RHBDD1: variants seen among roughly 807,000 people sequenced by gnomAD.
The protein encoded by RHBDD1 is rhomboid domain containing 1, also known as rhomboid-related protein 4.
In RHBDD1, 38 loss-of-function variants were observed where a neutral mutation model predicts 36.3. That is an observed-to-expected ratio of 1.05 (90% CI 0.81 to 1.37). The LOEUF (loss-of-function observed/expected upper bound fraction) is 1.37, where lower values mean the gene tolerates loss of function less well. Among genes scored for constraint, RHBDD1 ranks in the 40% most tolerant of loss-of-function variants. The probability of loss-of-function intolerance (pLI) is 0.00; values close to 1 mark genes in which losing one functional copy is unlikely to be tolerated. For synonymous variants in RHBDD1, 151 were observed against 136.5 expected (o/e 1.11, Z -0.74); for missense variants, 393 against 377.6 (o/e 1.04, Z -0.34).
At chr2:226,898,342 G>C (rs1947303837) in intron 5 of RHBDD1, among the ~76,000 whole-genome samples, 1 of 152,196 alleles carries the variant, frequency 6.6e-6, no homozygotes, top group South Asian at 2.1e-4. Context: ...TTCTGCTATT[G>C]CAATACCCTT....
intron 3 of RHBDD1, among the ~76,000 whole-genome samples, chr2:226,849,588 C>A (rs888525742): frequency 3.9e-5 from 6 of 152,256 alleles, no homozygotes; most frequent in African/African-American, 1.4e-4. Context: ...CCCTGCATTT[C>A]TTTGATGAAG....
chr2:226,918,174 T>G (rs978867517), intron 8 of RHBDD1, among the ~76,000 whole-genome samples: 1 of 151,860 alleles, frequency 6.6e-6, no homozygotes, highest in Non-Finnish European at 1.5e-5. Flanking sequence ...ACTACATTTA[T>G]TTTTTTTAAT....
the RHBDD1 span, chr2:226,804,852 A>G: frequency 6.6e-6 from 1 of 152,154 alleles, no homozygotes; most frequent in Non-Finnish European, 1.5e-5. Flanking sequence ...CATAACTGAT[A>G]TTTGTCTAAA....
intron 8 of RHBDD1, among the ~76,000 whole-genome samples, chr2:226,948,130 C>A (rs1010740681): frequency 5.1e-4 from 77 of 150,886 alleles, no homozygotes; most frequent in Admixed American, 1.3e-4. Flanking sequence ...ATGTTTATTG[C>A]GGCATTATTC....
In RHBDD1 at chr2:226,870,982, G is replaced by A. The variant is rs576883457; in HGVS notation, c.566+3664G>A. ...ATAGTTCAAACCCATGTTGTTCAAGGATCCACTGTATTTGGTAAAATATGA... is the reference window on the plus strand; with the variant it reads ...ATAGTTCAAACCCATGTTGTTCAAGAATCCACTGTATTTGGTAAAATATGA... On this transcript the variant is annotated intron_variant, in intron 5 of 8. Transcript: ENST00000392062. Among the ~76,000 whole-genome samples, 11 of 152,222 alleles carry A rather than the reference G, an allele frequency of 7.2e-5. No individual in the cohort carries two copies. In the South Asian group the frequency reaches 2.1e-3, roughly 29 times the overall value.
the RHBDD1 span, among the ~76,000 whole-genome samples, chr2:226,810,536 G>A: frequency 5.4e-5 from 3 of 55,122 alleles, no homozygotes; most frequent in East Asian, 1.2e-3. Context: ...GCAAGACTCC[G>A]TCTCAAAAAA....
intron 8 of RHBDD1, among the ~76,000 whole-genome samples, chr2:226,983,992 A>C (rs995559773): frequency 6.6e-6 from 1 of 152,236 alleles, no homozygotes; most frequent in African/African-American, 2.4e-5. Flanking sequence ...CTGCTCGTAT[A>C]GGAGGGTGAG....
chr2:226,838,017 C>T (rs1941169493), intron 1 of RHBDD1, 56 bp from the exon 2 acceptor site: 1 of 152,212 alleles, frequency 6.6e-6, no homozygotes, highest in Non-Finnish European at 1.5e-5. Context: ...CAGGAGTGCC[C>T]TCAACCTGCT....
At chr2:226,903,345 C>A (rs184608140) in intron 5 of RHBDD1, among the ~76,000 whole-genome samples, 1 of 152,186 alleles carries the variant, frequency 6.6e-6, no homozygotes. Flanking sequence ...ATGGTGAAAT[C>A]TCACCCCGTC....
chr2:226,879,660 T>C (rs1271632596), intron 5 of RHBDD1, among the ~76,000 whole-genome samples: 1 of 152,228 alleles, frequency 6.6e-6, no homozygotes, highest in East Asian at 1.9e-4. Context: ...CCTTTCTAAA[T>C]TGTTTGAAAT....
intron 8 of RHBDD1, among the ~76,000 whole-genome samples, chr2:226,987,466 T>G (rs1957237296): frequency 6.6e-6 from 1 of 152,142 alleles, no homozygotes; most frequent in Non-Finnish European, 1.5e-5. Flanking sequence ...AGCTAGCTGG[T>G]AGGACAGGCA....
At chr2:226,804,677 T>G in the RHBDD1 span, 2 of 152,196 alleles carry the variant, frequency 1.3e-5, no homozygotes, top group Non-Finnish European at 2.9e-5. Context: ...CCTCAACAGA[T>G]GATTTCAAAA....
At chr2:226,834,787 AT>A (rs1017425640), upstream of RHBDD1, among the ~76,000 whole-genome samples, 71 of 147,546 alleles carry the variant, frequency 4.8e-4, no homozygotes, top group Non-Finnish European at 5.0e-4. Flanking sequence ...AAATAGTAAG[AT>A]TTTTTTTTTT....
At chr2:226,912,326 A>G (rs770664601) in intron 7 of RHBDD1, among the ~76,000 whole-genome samples, 1 of 152,178 alleles carries the variant, frequency 6.6e-6, no homozygotes, top group Non-Finnish European at 1.5e-5. Context: ...CAGAATCGCC[A>G]TGTGACGCAG....
chr2:226,966,383 G>A (rs1304041994), intron 8 of RHBDD1, among the ~76,000 whole-genome samples: 2 of 152,142 alleles, frequency 1.3e-5, no homozygotes, highest in African/African-American at 2.4e-5. Context: ...TCAGTAGCCC[G>A]AAAGCAACAC....
At chr2:226,824,300 G>A in the RHBDD1 span, among the ~76,000 whole-genome samples, 1 of 151,972 alleles carries the variant, frequency 6.6e-6, no homozygotes, top group African/African-American at 2.4e-5. Flanking sequence ...TAAATTTGAA[G>A]AAACAATTGG....
chr2:226,957,132 C>T (rs532613650), intron 8 of RHBDD1, among the ~76,000 whole-genome samples: 7 of 152,252 alleles, frequency 4.6e-5, no homozygotes, highest in South Asian at 4.1e-4. Flanking sequence ...GAAATTCACC[C>T]CAGATTCCAG....
intron 8 of RHBDD1, among the ~76,000 whole-genome samples, chr2:226,946,413 T>G (rs1038674086): frequency 1.3e-5 from 2 of 152,204 alleles, no homozygotes; most frequent in African/African-American, 4.8e-5. Context: ...TATATCTGTT[T>G]TGGTATCAGT....
chr2:226,829,347 A>T, the RHBDD1 span, among the ~76,000 whole-genome samples: 1 of 152,128 alleles, frequency 6.6e-6, no homozygotes, highest in Non-Finnish European at 1.5e-5. Flanking sequence ...TGTTTTGGCC[A>T]TTCTAGTTCT....
Sources: gnomAD v4.1 joint callset for allele counts (sites outside exome capture counted in the v4.1 genomes callset) on GRCh38, gnomAD v4.1.1 for gene constraint, MANE v1.5 for transcripts, NCBI Gene and HGNC (gene_info 2026-07-23, HGNC 2026-07-21) for gene names.